Variants in RNF144A observed in about 807,000 individuals in gnomAD.
RNF144A encodes the protein ring finger protein 144A.
RNF144A carries 11 observed loss-of-function variants against 38.7 expected under a neutral mutation model. The observed-to-expected ratio is 0.28, with a 90% CI of 0.18 to 0.47. The LOEUF is 0.47. Ranked by LOEUF, RNF144A falls within the 20% of genes least tolerant of loss-of-function variation. The pLI is 0.99. For synonymous variants in RNF144A, 149 were observed against 143.9 expected (o/e 1.04, Z -0.25); for missense variants, 316 against 377.2 (o/e 0.84, Z 1.34).
intron 6 of RNF144A, among the ~76,000 whole-genome samples, chr2:7,066,277 C>A (rs1001537770): frequency 6.6e-6 from 1 of 151,860 alleles, no homozygotes; most frequent in Non-Finnish European, 1.5e-5. Flanking sequence ...TTAGCAGAGA[C>A]GGGGTTTCAC....
chr2:7,062,370 C>T (rs923199698), intron 6 of RNF144A, among the ~76,000 whole-genome samples: 1 of 151,698 alleles, frequency 6.6e-6, no homozygotes, highest in African/African-American at 2.4e-5. Context: ...AAGACTGGTA[C>T]AGAGTTAAAA....
At chr2:7,003,556 G>A (rs1188416976) in intron 3 of RNF144A, among the ~76,000 whole-genome samples, 1 of 152,266 alleles carries the variant, frequency 6.6e-6, no homozygotes, top group Non-Finnish European at 1.5e-5. Flanking sequence ...GTAGCCCAGA[G>A]CAATAGGCTG....
intron 2 of RNF144A, among the ~76,000 whole-genome samples, chr2:6,952,630 C>T (rs1255691413): frequency 6.7e-6 from 1 of 150,060 alleles, no homozygotes; most frequent in Non-Finnish European, 1.5e-5. Context: ...AGTATGTTAA[C>T]ATATATTTAT....
intron 1 of RNF144A, among the ~76,000 whole-genome samples, chr2:6,930,954 TG>T (rs1665170149): frequency 6.6e-6 from 1 of 152,178 alleles, no homozygotes; most frequent in East Asian, 1.9e-4. Context: ...TTTGCTGCCA[TG>T]GGATTGAAAT....
At position 7,042,072 on chromosome 2, in the gene RNF144A, A is replaced by T. The variant is rs1204764214; in HGVS notation, c.*2312A>T. The stretch of plus-strand genomic sequence containing the variant: ...GCACCTACTGGCTCTGACTTTTTGT[A>T]TGAAGCATGCCTCAGTTTCCTCATT... On this transcript the variant is annotated 3_prime_UTR_variant, in exon 9 of 9. Coordinates refer to ENST00000320892, the MANE Select transcript of RNF144A (RefSeq NM_014746.6). The T allele has an allele frequency of 1.0e-6, 1 of 985,370 alleles. No individual in the cohort carries two copies. 61.0% of individuals were successfully genotyped at this position (985,370 alleles called of 1,614,324 possible). A position where few individuals can be genotyped will look rare whatever the true frequency, so the allele number is the denominator to read the frequency against.
chr2:7,023,661 T>C (rs536297003), intron 6 of RNF144A, among the ~76,000 whole-genome samples: 1 of 152,366 alleles, frequency 6.6e-6, no homozygotes, highest in South Asian at 2.1e-4. Context: ...AACATTGAAC[T>C]ACTGCTACCC....
the RNF144A span, among the ~76,000 whole-genome samples, chr2:7,075,437 ATC>A: frequency 6.6e-6 from 1 of 152,184 alleles, no homozygotes; most frequent in Non-Finnish European, 1.5e-5. Context: ...TGGAAACTTA[ATC>A]TCTAAATCTC....
intron 2 of RNF144A, among the ~76,000 whole-genome samples, chr2:6,957,695 C>T (rs548214032): frequency 6.6e-6 from 1 of 152,346 alleles, no homozygotes; most frequent in African/African-American, 2.4e-5. Flanking sequence ...AATACTTGGA[C>T]TTTATGAGCC....
At position 6,944,749 on chromosome 2, in the gene RNF144A, C is replaced by T. The variant is rs1666225662; in HGVS notation, c.-12+3602C>T. Among the ~76,000 whole-genome samples, 3 of 152,092 alleles carry T rather than the reference C, an allele frequency of 2.0e-5. No individual in the cohort carries two copies. In the South Asian group the frequency reaches 6.2e-4, roughly 32 times the overall value. On this transcript the variant is annotated intron_variant, in intron 2 of 8. Transcript: ENST00000320892. The surrounding 1 kb of genome is among the most constrained non-coding windows in gnomAD (Gnocchi z 4.7). Reference sequence around the variant, plus strand: ...TAGAATTTTGTGTTCTCTCTGTTGGCCACGCCCACCTCCCAGGACGCTGTG... The same window carrying T: ...TAGAATTTTGTGTTCTCTCTGTTGGTCACGCCCACCTCCCAGGACGCTGTG...
chr2:7,075,704 T>C, the RNF144A span, among the ~76,000 whole-genome samples: 1 of 152,196 alleles, frequency 6.6e-6, no homozygotes, highest in Non-Finnish European at 1.5e-5. Context: ...ATTACCTCTA[T>C]TTTTTATAAA....
intron 2 of RNF144A, among the ~76,000 whole-genome samples, chr2:6,949,224 C>T (rs1368853568): frequency 6.6e-6 from 1 of 152,164 alleles, no homozygotes; most frequent in African/African-American, 2.4e-5. Flanking sequence ...TGCTGTTAAA[C>T]ATTTCTTCAC....
chr2:6,954,640 A>G (rs116698283), intron 2 of RNF144A, among the ~76,000 whole-genome samples: 1,751 of 152,328 alleles, frequency 0.011, 38 homozygotes, highest in African/African-American at 0.04. Flanking sequence ...TGGAGCATCA[A>G]AGAAGATGGG....
At chr2:7,063,672 C>T (rs193275260) in intron 6 of RNF144A, among the ~76,000 whole-genome samples, 6 of 152,148 alleles carry the variant, frequency 3.9e-5, no homozygotes, top group Non-Finnish European at 8.8e-5. Flanking sequence ...ACAGAAGGTA[C>T]ACTCAGAAGT....
chr2:7,014,723 G>A lies in RNF144A; in HGVS notation c.252G>A (p.Met84Ile), dbSNP rs1390077905. ...TTTTTTTCCCTTAGATTGAGTGCAT[G>A]GTTGCAGCTGAAATTATGCAAAGAT... is the stretch of plus-strand genomic sequence containing the variant. ...GHLQENEIEC[M>I]VAAEIMQRYK... is the part of the protein sequence containing the mutation. The change falls in exon 5 of 9, where the codon ATG becomes ATA. Residue 84 changes from methionine (M) to isoleucine (I), a missense_variant. Transcript: ENST00000320892. The A allele has an allele frequency of 4.3e-6, 7 of 1,612,816 alleles. No homozygotes were observed. Among genetic ancestry groups the A allele is most frequent in the East Asian group, 2.2e-5 (1 of 44,900 alleles).
At chr2:6,957,592 A>C (rs1366905428) in intron 2 of RNF144A, among the ~76,000 whole-genome samples, 3 of 152,050 alleles carry the variant, frequency 2.0e-5, no homozygotes, top group Non-Finnish European at 2.9e-5. Flanking sequence ...CGCATGGTTT[A>C]TCTCTATTTC....
rs1673836507 is a variant in RNF144A, at chr2:7,058,678, TCTC to T, written c.735-9534_735-9532del. 4.6e-5 allele frequency among the ~76,000 whole-genome samples: 7 copies of T among 152,346 alleles called. No homozygotes were observed. In the South Asian group the frequency reaches 1.4e-3, roughly 32 times the overall value. On this transcript the variant is annotated intron_variant, in intron 6 of 6. Coordinates refer to the RNF144A transcript ENST00000432850. The stretch of plus-strand genomic sequence containing the variant: ...CACATGTCTCTGGTTAGTGTCTAAA[TCTC>T]CTCTATTATGTCAGAGATTTTTATA...
chr2:7,065,192 T>A (rs56044384), intron 6 of RNF144A, among the ~76,000 whole-genome samples: 35,769 of 152,154 alleles, frequency 0.24, 5,033 homozygotes, highest in East Asian at 0.5. Context: ...AACTGTTCTT[T>A]AGTTTATATT....
At chr2:7,059,570 T>C (rs1238845666) in intron 6 of RNF144A, among the ~76,000 whole-genome samples, 1 of 152,178 alleles carries the variant, frequency 6.6e-6, no homozygotes, top group African/African-American at 2.4e-5. Flanking sequence ...TTTCATGTTT[T>C]AGAAGAGACT....
chr2:6,957,497 G>A lies in RNF144A; in HGVS notation c.-12+16350G>A, dbSNP rs150949093. On this transcript the variant is annotated intron_variant, in intron 2 of 8. Transcript: ENST00000320892. ...TACTAAGAGGGAAACTGGTCTACCTGATGCCCACCTTGGCGTTGACCACAT... is the reference window on the plus strand; with the variant it reads ...TACTAAGAGGGAAACTGGTCTACCTAATGCCCACCTTGGCGTTGACCACAT... 7.4e-4 allele frequency among the ~76,000 whole-genome samples: 112 copies of A among 152,342 alleles called. 1 individual carries two copies. Among genetic ancestry groups the A allele is most frequent in the African/African-American group, 2.4e-3 (100 of 41,576 alleles).
Sources: gnomAD v4.1 joint callset for allele counts (sites outside exome capture counted in the v4.1 genomes callset) on GRCh38, gnomAD v4.1.1 for gene constraint, Gnocchi (gnomAD v3.1) non-coding constraint, MANE v1.5 for transcripts, NCBI Gene and HGNC (gene_info 2026-07-23, HGNC 2026-07-21) for gene names.